CAMTA1: variants seen among roughly 807,000 people sequenced by gnomAD.
CAMTA1 encodes calmodulin-binding transcription activator 1.
A neutral mutation model predicts 170.9 loss-of-function variants in CAMTA1; 27 were observed. The observed-to-expected ratio is 0.16, with a 90% CI of 0.12 to 0.22. The LOEUF (loss-of-function observed/expected upper bound fraction) is 0.22, where lower values mean the gene tolerates loss of function less well. Among genes scored for constraint, CAMTA1 ranks in the 10% least tolerant of loss-of-function variants. CAMTA1 has a pLI of 1.00. For synonymous variants in CAMTA1, 833 were observed against 891.5 expected, an observed-to-expected ratio of 0.93 and a Z score of 1.17; for missense variants, 1,619 against 2,217.2, an observed-to-expected ratio of 0.73 and a Z score of 5.42.
At chr1:6,884,330 ACACAC>A (rs1172038055) in intron 3 of CAMTA1, among the ~76,000 whole-genome samples, 28 of 143,142 alleles carry the variant, frequency 2.0e-4, no homozygotes, top group South Asian at 2.3e-4. Context: ...ACACACACAC[ACACAC>A]AATTTTGTTT....
At chr1:7,658,219 A>G (rs1319094624) in intron 7 of CAMTA1, among the ~76,000 whole-genome samples, 1 of 152,194 alleles carries the variant, frequency 6.6e-6, no homozygotes, top group Non-Finnish European at 1.5e-5. Context: ...GGCAAGGGGC[A>G]CCTGCTCCGA....
At chr1:7,260,234 TAGA>T (rs1365010829) in intron 5 of CAMTA1, among the ~76,000 whole-genome samples, 1 of 152,234 alleles carries the variant, frequency 6.6e-6, no homozygotes, top group Admixed American at 6.5e-5. Flanking sequence ...CCACGGTTTC[TAGA>T]AGGAGTGGGG....
chr1:7,079,629 G>A (rs576283733), intron 3 of CAMTA1, among the ~76,000 whole-genome samples: 1 of 151,438 alleles, frequency 6.6e-6, no homozygotes, highest in East Asian at 1.9e-4. Flanking sequence ...ACACCATCAC[G>A]CCTGGCTAAT....
At chr1:6,791,748 G>A (rs988772745) in intron 1 of CAMTA1, among the ~76,000 whole-genome samples, 1 of 152,166 alleles carries the variant, frequency 6.6e-6, no homozygotes, top group African/African-American at 2.4e-5. Flanking sequence ...TTTCCAGATA[G>A]TGTATAATCT....
intron 6 of CAMTA1, among the ~76,000 whole-genome samples, chr1:7,605,979 C>G (rs1428835112): frequency 6.6e-6 from 1 of 152,202 alleles, no homozygotes; most frequent in African/African-American, 2.4e-5. Context: ...ATCTGTGGCT[C>G]CATCCCTGCC....
chr1:7,697,611 T>C lies in CAMTA1; in HGVS notation c.2914+19878T>C, dbSNP rs373464368. On this transcript the variant is annotated intron_variant, in intron 11 of 22. Transcript: ENST00000303635. ...CAACATGTGTGTAATAGTGGGGGCC[T>C]GGTAGAAGTTGCTGGCGGAATGGAT... Among the ~76,000 whole-genome samples, 8 of 152,192 alleles carry C rather than the reference T, an allele frequency of 5.3e-5. No individual in the cohort carries two copies. The East Asian group carries it at 1.5e-3, about 29-fold the overall frequency.
chr1:6,845,593 C>G (rs1056914455), intron 3 of CAMTA1, among the ~76,000 whole-genome samples: 1 of 152,236 alleles, frequency 6.6e-6, no homozygotes, highest in African/African-American at 2.4e-5. Flanking sequence ...AAAACTGCCA[C>G]ATGTTGAAAA....
chr1:7,499,992 A>T lies in CAMTA1; in HGVS notation c.510+32091A>T, dbSNP rs138620787. 2.0e-3 allele frequency among the ~76,000 whole-genome samples: 271 copies of T among 136,292 alleles called. 7 individuals are homozygous for T. Among genetic ancestry groups the T allele is most frequent in the African/African-American group, 6.6e-3 (231 of 34,866 alleles). 89.4% of individuals were successfully genotyped at this position (136,292 alleles called of 152,430 possible). A position where few individuals can be genotyped will look rare whatever the true frequency, so the allele number is the denominator to read the frequency against. Reference sequence around the variant, plus strand: ...CCTGGTGTGCGTGCATAGGTATATGAGTGTGTGTGTGCATATGTGCACATT... The same window carrying T: ...CCTGGTGTGCGTGCATAGGTATATGTGTGTGTGTGTGCATATGTGCACATT... On this transcript the variant is annotated intron_variant, in intron 6 of 22. Coordinates refer to ENST00000303635, the MANE Select transcript of CAMTA1 (RefSeq NM_015215.4).
intron 3 of CAMTA1, among the ~76,000 whole-genome samples, chr1:7,043,805 G>C (rs1220543926): frequency 6.6e-6 from 1 of 152,130 alleles, no homozygotes; most frequent in Non-Finnish European, 1.5e-5. Context: ...GCAAATACTC[G>C]GGCCCTCAGG....
At chr1:7,127,247 C>CTTT (rs61211407) in intron 4 of CAMTA1, among the ~76,000 whole-genome samples, 1,296 of 73,470 alleles carry the variant, frequency 0.018, 122 homozygotes, top group African/African-American at 0.047. Context: ...GCCAGAGGGG[C>CTTT]TTTTTTTTTT....
At chr1:7,582,341 G>A (rs2095268459) in intron 6 of CAMTA1, among the ~76,000 whole-genome samples, 1 of 152,114 alleles carries the variant, frequency 6.6e-6, no homozygotes, top group South Asian at 2.1e-4. Flanking sequence ...CCACTCCTGA[G>A]GGCCTCAGTG....
At chr1:7,141,989 C>T in intron 4 of CAMTA1, 1 of 452,192 alleles carries the variant, frequency 2.2e-6, no homozygotes, top group Non-Finnish European at 4.5e-6. Context: ...CCTCTGACTT[C>T]CCCTGCTTTT....
At chr1:7,134,497 C>T (rs1645436444) in intron 4 of CAMTA1, among the ~76,000 whole-genome samples, 1 of 151,964 alleles carries the variant, frequency 6.6e-6, no homozygotes. Context: ...ATTTTAGAGA[C>T]AGGTCTCACT....
At chr1:7,174,377 C>T in intron 4 of CAMTA1, among the ~76,000 whole-genome samples, 1 of 152,214 alleles carries the variant, frequency 6.6e-6, no homozygotes, top group Admixed American at 6.5e-5. Flanking sequence ...TAAACAGCCA[C>T]AATGGAATTG....
intron 11 of CAMTA1, among the ~76,000 whole-genome samples, chr1:7,689,986 C>T (rs530877206): frequency 2.0e-5 from 3 of 152,212 alleles, no homozygotes; most frequent in South Asian, 2.1e-4. Context: ...GGTGAAACCC[C>T]GTCTCTACTA....
chr1:7,751,719 G>GA (rs35029804), intron 20 of CAMTA1, among the ~76,000 whole-genome samples: 96,791 of 144,834 alleles, frequency 0.67, 32,049 homozygotes, highest in Admixed American at 0.75. Flanking sequence ...TCCTGTTTAG[G>GA]AAAAAAAAAA....
At chr1:6,834,072 T>A (rs1651737731) in intron 3 of CAMTA1, among the ~76,000 whole-genome samples, 2 of 152,026 alleles carry the variant, frequency 1.3e-5, no homozygotes, top group South Asian at 4.1e-4. Flanking sequence ...CTTTGAAGAT[T>A]ATTGTTGCTT....
intron 5 of CAMTA1, among the ~76,000 whole-genome samples, chr1:7,432,841 T>A (rs1557704361): frequency 6.6e-6 from 1 of 152,238 alleles, no homozygotes; most frequent in Non-Finnish European, 1.5e-5. Context: ...ACGGCCTTGT[T>A]TATTTCGCTC....
chr1:7,587,433 G>A (rs1036940308), intron 6 of CAMTA1, among the ~76,000 whole-genome samples: 3 of 152,166 alleles, frequency 2.0e-5, no homozygotes, highest in South Asian at 4.1e-4. Flanking sequence ...TCGGCAGCAC[G>A]CCCTCCACTC....
Sources: gnomAD v4.1 joint callset for allele counts (sites outside exome capture counted in the v4.1 genomes callset) on GRCh38, gnomAD v4.1.1 for gene constraint, MANE v1.5 for transcripts, NCBI Gene and HGNC (gene_info 2026-07-23, HGNC 2026-07-21) for gene names.